RERE: variants seen among roughly 807,000 people sequenced by gnomAD.
RERE encodes arginine-glutamic acid dipeptide repeats protein.
A neutral mutation model predicts 146.1 loss-of-function variants in RERE; 40 were observed. That is an observed-to-expected ratio of 0.27 (90% confidence interval 0.21 to 0.36). RERE has a LOEUF of 0.36. Ranked by LOEUF, RERE falls within the 10% of genes least tolerant of loss-of-function variation. The pLI is 1.00. For missense variants in RERE, 1,933 were observed against 2,138.7 expected (o/e 0.90, Z 1.90); for synonymous variants, 1,003 against 866.0 (o/e 1.16, Z -2.78).
chr1:8,776,886 A>AT (rs879575743), intron 1 of RERE, among the ~76,000 whole-genome samples: 2,991 of 142,938 alleles, frequency 0.021, 66 homozygotes, highest in African/African-American at 0.065. Context: ...TGGCCAACTA[A>AT]TTTTTTTTTT....
intron 1 of RERE, among the ~76,000 whole-genome samples, chr1:8,739,189 T>C (rs1640260055): frequency 6.6e-6 from 1 of 152,144 alleles, no homozygotes; most frequent in South Asian, 2.1e-4. Context: ...GTAGCAAATA[T>C]AATATTATGT....
rs76073798 is a variant in RERE at position 8,514,023 on chromosome 1, T to C, written c.831-5348A>G. ...AGATCTTTCAAATATCAACCAGTTC[T>C]TTATACAGCATTTTTTAAAAATCAT... On this transcript the variant is annotated intron_variant, in intron 7 of 22. Transcript: ENST00000400908. Among the ~76,000 whole-genome samples the C allele has an allele frequency of 3.3e-4, 50 of 152,368 alleles. No individual in the cohort carries two copies. The East Asian group carries it at 8.3e-3, about 25-fold the overall frequency.
At chr1:8,411,552 C>T (rs1557617968) in intron 12 of RERE, among the ~76,000 whole-genome samples, 1 of 152,080 alleles carries the variant, frequency 6.6e-6, no homozygotes, top group Admixed American at 6.5e-5. Context: ...CGTAAGGTGG[C>T]AGACACATAA....
intron 12 of RERE, among the ~76,000 whole-genome samples, chr1:8,380,238 T>C (rs904821384): frequency 3.3e-5 from 5 of 152,054 alleles, no homozygotes; most frequent in African/African-American, 1.2e-4. Flanking sequence ...TCTCTTGGCA[T>C]GAGAATCTCT....
At chr1:8,503,616 G>A (rs985268177) in intron 8 of RERE, among the ~76,000 whole-genome samples, 3 of 152,204 alleles carry the variant, frequency 2.0e-5, no homozygotes, top group African/African-American at 7.2e-5. Context: ...TTAAAAGAAA[G>A]GTAGCAAAAG....
chr1:8,686,284 G>A (rs886405335), intron 1 of RERE, among the ~76,000 whole-genome samples: 59 of 152,234 alleles, frequency 3.9e-4, no homozygotes, highest in Non-Finnish European at 4.0e-4. Flanking sequence ...TGTCTAGCCT[G>A]CATTTAGGTA....
At chr1:8,514,424 T>A (rs1046529450) in intron 7 of RERE, among the ~76,000 whole-genome samples, 1 of 152,122 alleles carries the variant, frequency 6.6e-6, no homozygotes, top group African/African-American at 2.4e-5. Flanking sequence ...GGAAGCCAAG[T>A]CTTGGGATTA....
At chr1:8,618,437 C>T (rs1238036322) in intron 3 of RERE, among the ~76,000 whole-genome samples, 2 of 152,192 alleles carry the variant, frequency 1.3e-5, no homozygotes, top group Non-Finnish European at 2.9e-5. Flanking sequence ...TCTACCATCC[C>T]TCATCTCAAT....
At chr1:8,758,952 C>T (rs555976386) in intron 1 of RERE, among the ~76,000 whole-genome samples, 2 of 151,878 alleles carry the variant, frequency 1.3e-5, no homozygotes, top group South Asian at 4.2e-4. Flanking sequence ...TAAATGTGTA[C>T]AATTTTTGTC....
chr1:8,364,312 G>T lies in RERE; in HGVS notation c.1541-57C>A. 4 of 1,523,924 alleles carry T rather than the reference G, an allele frequency of 2.6e-6. No individual in the cohort carries two copies. The highest frequency in any genetic ancestry group is 3.6e-6 in the Non-Finnish European group (4 of 1,100,206). The allele number at this position is 1,523,924 out of a possible 1,614,324, so 94.4% of individuals were successfully genotyped here. A position where few individuals can be genotyped will look rare whatever the true frequency, so the allele number is the denominator to read the frequency against. ...GGAAACCATCCCTCTCCCTGGGGAT[G>T]TCTGGGCAGAGGGGCCCTTCTGTGG... On this transcript the variant is annotated intron_variant, in intron 14 of 22. Coordinates refer to ENST00000400908, the MANE Select transcript of RERE (RefSeq NM_001042681.2). The surrounding 1 kb of genome is among the most constrained non-coding windows in gnomAD (Gnocchi z 5.1).
chr1:8,452,476 T>C (rs1318907383), intron 11 of RERE, among the ~76,000 whole-genome samples: 1 of 152,218 alleles, frequency 6.6e-6, no homozygotes, highest in Non-Finnish European at 1.5e-5. Flanking sequence ...ACAAATGCTG[T>C]TTGTTTAAAG....
chr1:8,603,223 T>C (rs868426885), intron 4 of RERE, among the ~76,000 whole-genome samples: 4 of 152,274 alleles, frequency 2.6e-5, no homozygotes, highest in Admixed American at 2.0e-4. Flanking sequence ...TATAACTAAG[T>C]AGTACTACCA....
chr1:8,428,055 A>AGT (rs1273479248), intron 11 of RERE, among the ~76,000 whole-genome samples: 1 of 152,200 alleles, frequency 6.6e-6, no homozygotes, highest in Non-Finnish European at 1.5e-5. Flanking sequence ...CGGCATTTCC[A>AGT]GTGCTGAAAT....
At chr1:8,495,191 A>ACTAT in intron 9 of RERE, 29 bp from the exon 10 acceptor site, 9 of 1,510,236 alleles carry the variant, frequency 6.0e-6, no homozygotes, top group Non-Finnish European at 7.4e-6. Context: ...TTCCTTTATT[A>ACTAT]GTACATAGTA....
intron 1 of RERE, among the ~76,000 whole-genome samples, chr1:8,774,929 T>C (rs1344264722): frequency 6.7e-6 from 1 of 149,866 alleles, no homozygotes; most frequent in Admixed American, 6.7e-5. Flanking sequence ...CAGCCTTTCA[T>C]AGTAGCATTT....
intron 4 of RERE, among the ~76,000 whole-genome samples, chr1:8,566,856 T>C (rs1646158993): frequency 6.6e-6 from 1 of 151,310 alleles, no homozygotes; most frequent in Non-Finnish European, 1.5e-5. Flanking sequence ...AGTGGTGCGA[T>C]CTCGGCTCAC....
chr1:8,421,863 T>C (rs1252914903), intron 12 of RERE, among the ~76,000 whole-genome samples: 1 of 152,104 alleles, frequency 6.6e-6, no homozygotes, highest in Non-Finnish European at 1.5e-5. Flanking sequence ...CTGAAGAGTG[T>C]TTCTGGTTAA....
intron 12 of RERE, among the ~76,000 whole-genome samples, chr1:8,392,990 A>G (rs192472627): frequency 2.0e-5 from 3 of 152,328 alleles, no homozygotes; most frequent in South Asian, 2.1e-4. Context: ...ATACTACCCA[A>G]TGAAGATGTG....
intron 4 of RERE, among the ~76,000 whole-genome samples, chr1:8,580,187 A>G (rs1480589809): frequency 6.6e-6 from 1 of 152,236 alleles, no homozygotes; most frequent in Non-Finnish European, 1.5e-5. Flanking sequence ...AGCTCCTAGT[A>G]GCGGATAAAG....
Sources: gnomAD v4.1 joint callset for allele counts (sites outside exome capture counted in the v4.1 genomes callset) on GRCh38, gnomAD v4.1.1 for gene constraint, Gnocchi (gnomAD v3.1) non-coding constraint, MANE v1.5 for transcripts, NCBI Gene and HGNC (gene_info 2026-07-23, HGNC 2026-07-21) for gene names.